ZNF469: variants seen among roughly 807,000 people sequenced by gnomAD.
ZNF469 encodes the protein zinc finger protein 469.
ZNF469 carries 1 observed loss-of-function variant against 1.0 expected under a neutral mutation model. That is an observed-to-expected ratio of 1.00 (90% CI 0.35 to 4.73). The LOEUF (loss-of-function observed/expected upper bound fraction) is 4.73. Among genes scored for constraint, ZNF469 ranks in the 30% most tolerant of loss-of-function variants. ZNF469 has a pLI of 0.16. For missense variants in ZNF469, 6,100 were observed against 5,356.3 expected, an observed-to-expected ratio of 1.14 and a Z score of -4.33; for synonymous variants, 2,703 against 2,363.4, an observed-to-expected ratio of 1.14 and a Z score of -4.17.
At chr16:88,282,659 A>G in the ZNF469 span, among the ~76,000 whole-genome samples, 2 of 152,196 alleles carry the variant, frequency 1.3e-5, no homozygotes, top group African/African-American at 4.8e-5. Context: ...TTATCTGCTC[A>G]GCCGTTAAGC....
the ZNF469 span, among the ~76,000 whole-genome samples, chr16:88,312,860 G>A: frequency 1.2e-3 from 190 of 152,336 alleles, no homozygotes; most frequent in African/African-American, 4.4e-3. Flanking sequence ...TGCAAGCCAT[G>A]CTGGTGCGCC....
At chr16:88,229,014 C>A in the ZNF469 span, among the ~76,000 whole-genome samples, 1 of 152,168 alleles carries the variant, frequency 6.6e-6, no homozygotes, top group African/African-American at 2.4e-5. Flanking sequence ...AAGAGCTGAG[C>A]CATCTGCAGT....
At chr16:88,391,956 A>T (rs1169284208) in intron 1 of ZNF469, among the ~76,000 whole-genome samples, 3 of 152,234 alleles carry the variant, frequency 2.0e-5, no homozygotes, top group African/African-American at 4.8e-5. Flanking sequence ...ATGTATGACA[A>T]CCTGTCATAT....
At chr16:88,389,764 G>C (rs963696521) in intron 1 of ZNF469, among the ~76,000 whole-genome samples, 2 of 152,182 alleles carry the variant, frequency 1.3e-5, no homozygotes, top group African/African-American at 4.8e-5. Context: ...TCAAGGCAAG[G>C]GAGTGAGTGG....
At position 88,440,423 on chromosome 16, in the gene ZNF469, T is replaced by G. The variant is rs1906919942; in HGVS notation, c.*1091T>G. On this transcript the variant is annotated 3_prime_UTR_variant, in exon 3 of 3. Coordinates refer to ENST00000565624, the MANE Select transcript of ZNF469 (RefSeq NM_001367624.2). ...ACCCAACCCAGGCCTGGGACGCACG[T>G]GTCCTCTCACAGCGTCGTGCCTGTG... is the stretch of plus-strand genomic sequence containing the variant. The G allele has an allele frequency of 6.6e-6, 1 of 151,388 alleles. No individual in the cohort carries two copies. 9.4% of individuals were successfully genotyped at this position (151,388 alleles called of 1,614,324 possible).
chr16:88,201,442 C>A, the ZNF469 span, among the ~76,000 whole-genome samples: 1 of 152,094 alleles, frequency 6.6e-6, no homozygotes, highest in South Asian at 2.1e-4. The surrounding 1 kb of genome is among the most constrained non-coding windows in gnomAD (Gnocchi z 5.0). Context: ...GTAATCCCAG[C>A]TACTTGGGAG....
At chr16:88,203,105 G>T in the ZNF469 span, among the ~76,000 whole-genome samples, 1 of 152,090 alleles carries the variant, frequency 6.6e-6, no homozygotes, top group African/African-American at 2.4e-5. Flanking sequence ...AGGGCAGAAG[G>T]GCCGGGAAGG....
chr16:88,320,911 G>A, the ZNF469 span, among the ~76,000 whole-genome samples: 4 of 152,330 alleles, frequency 2.6e-5, no homozygotes, highest in East Asian at 7.7e-4. Context: ...TCTGCAAGTG[G>A]GAGGAGTTCA....
At chr16:88,396,582 T>G (rs1217871013) in intron 1 of ZNF469, among the ~76,000 whole-genome samples, 2 of 148,002 alleles carry the variant, frequency 1.4e-5, no homozygotes, top group African/African-American at 5.0e-5. Context: ...GAGACCCTCC[T>G]GAAGGGAGGC....
chr16:88,263,558 G>A, the ZNF469 span, among the ~76,000 whole-genome samples: 11 of 152,190 alleles, frequency 7.2e-5, no homozygotes, highest in Non-Finnish European at 1.2e-4. Flanking sequence ...GGCATGGGGT[G>A]CCCATGTGGG....
At chr16:88,328,792 A>G in the ZNF469 span, among the ~76,000 whole-genome samples, 2 of 152,228 alleles carry the variant, frequency 1.3e-5, no homozygotes, top group Non-Finnish European at 2.9e-5. Flanking sequence ...CTTCCCACAC[A>G]GTGAGCACCA....
At chr16:88,332,393 G>A in the ZNF469 span, among the ~76,000 whole-genome samples, 7 of 152,216 alleles carry the variant, frequency 4.6e-5, no homozygotes, top group African/African-American at 1.2e-4. Flanking sequence ...ATGATGTGCC[G>A]TCACCGCGTG....
At chr16:88,389,816 T>C (rs4075519) in intron 1 of ZNF469, among the ~76,000 whole-genome samples, 85,608 of 151,584 alleles carry the variant, frequency 0.56, 24,376 homozygotes, top group African/African-American at 0.61. Context: ...GACAGCGCAG[T>C]CCCCCAGGAG....
rs1397564771 is a variant in ZNF469, at chr16:88,428,509, C to T, written c.1039C>T (p.Arg347Cys). 6 of 1,549,868 alleles carry T rather than the reference C, an allele frequency of 3.9e-6. No individual in the cohort carries two copies. Among genetic ancestry groups the T allele is most frequent in the East Asian group, 2.4e-5 (1 of 40,912 alleles). The change falls in exon 3 of 3, where the codon CGC becomes TGC. Residue 347 changes from arginine to cysteine, a missense_variant. Physicochemically the swap from Arg to Cys is radical, Grantham distance 180. Coordinates refer to ENST00000565624, the MANE Select transcript of ZNF469 (RefSeq NM_001367624.2). ...CYQGQPGGLN[R>C]HSDLSGALSS... ...CCAGGGCCAGCCAGGTGGCCTGAAC[C>T]GCCACAGCGACCTCAGTGGTGCCCT...
the ZNF469 span, among the ~76,000 whole-genome samples, chr16:88,349,810 TCACAA>T: frequency 0.02 from 89 of 4,404 alleles, no homozygotes; most frequent in Middle Eastern, 0.056. Flanking sequence ...ATTACACACA[TCACAA>T]ATGCACACAC....
chr16:88,157,133 C>T, the ZNF469 span, among the ~76,000 whole-genome samples: 1 of 152,088 alleles, frequency 6.6e-6, no homozygotes, highest in South Asian at 2.1e-4. Context: ...AACCATCACT[C>T]ATGAGCACCA....
chr16:88,398,307 A>C (rs560078254), intron 1 of ZNF469, among the ~76,000 whole-genome samples: 1 of 152,264 alleles, frequency 6.6e-6, no homozygotes, highest in African/African-American at 2.4e-5. Context: ...GGGCGACGTG[A>C]GTCACAGATG....
chr16:88,225,252 C>CA, the ZNF469 span, among the ~76,000 whole-genome samples: 2 of 152,252 alleles, frequency 1.3e-5, no homozygotes, highest in South Asian at 4.1e-4. Context: ...ACCCTTGTGG[C>CA]ACCCACTGGG....
At chr16:88,171,246 T>C in the ZNF469 span, among the ~76,000 whole-genome samples, 2 of 152,238 alleles carry the variant, frequency 1.3e-5, no homozygotes, top group Non-Finnish European at 2.9e-5. Context: ...CTTGGCCTGT[T>C]CTAGCCCCAG....
Sources: gnomAD v4.1 joint callset for allele counts (sites outside exome capture counted in the v4.1 genomes callset) on GRCh38, gnomAD v4.1.1 for gene constraint, Gnocchi (gnomAD v3.1) non-coding constraint, MANE v1.5 for transcripts, NCBI Gene and HGNC (gene_info 2026-07-23, HGNC 2026-07-21) for gene names.